The following MACROD2 variants were observed in gnomAD, a reference collection of about 807,000 sequenced individuals.
MACROD2 encodes the protein mono-ADP ribosylhydrolase 2, also known as ADP-ribose glycohydrolase MACROD2.
Under a neutral mutation model 70.4 loss-of-function variants are expected in MACROD2, and 36 were observed. The ratio of observed to expected loss-of-function variants is 0.51; its 90% CI spans 0.39 to 0.68. The LOEUF (loss-of-function observed/expected upper bound fraction) is 0.68. Ranked by LOEUF, MACROD2 falls within the 30% of genes least tolerant of loss-of-function variation. The pLI is 0.00. For synonymous variants in MACROD2, 172 were observed against 178.8 expected (o/e 0.96, Z 0.30); for missense variants, 496 against 538.4 (o/e 0.92, Z 0.78).
chr20:14,432,867 T>C (rs1056882874), intron 3 of MACROD2, among the ~76,000 whole-genome samples: 5 of 152,160 alleles, frequency 3.3e-5, no homozygotes, highest in Non-Finnish European at 5.9e-5. Flanking sequence ...ATTTTACTTA[T>C]TGTTAATTTG....
chr20:15,612,944 A>T (rs2048989413), intron 8 of MACROD2, among the ~76,000 whole-genome samples: 1 of 152,236 alleles, frequency 6.6e-6, no homozygotes, highest in African/African-American at 2.4e-5. Context: ...GTGGAAGGAC[A>T]GCATGATCAC....
In MACROD2 at chr20:14,122,918, A is replaced by T. The variant is rs77874671; in HGVS notation, c.271+37190A>T. On this transcript the variant is annotated intron_variant, in intron 3 of 17. Transcript: ENST00000684519. ...CCAGTATGTGAGAAATACATCCGTTATACAGGATTAGAGACAGTGGCATCG... is the reference window on the plus strand; with the variant it reads ...CCAGTATGTGAGAAATACATCCGTTTTACAGGATTAGAGACAGTGGCATCG... Among the ~76,000 whole-genome samples the T allele has an allele frequency of 8.5e-5, 13 of 152,284 alleles. No homozygotes were observed. In the East Asian group the frequency reaches 2.5e-3, roughly 29 times the overall value.
chr20:15,720,414 T>A (rs2050771127), intron 8 of MACROD2, among the ~76,000 whole-genome samples: 1 of 152,190 alleles, frequency 6.6e-6, no homozygotes, highest in African/African-American at 2.4e-5. Context: ...ATTTCATTTT[T>A]AAAAATTTTA....
chr20:15,772,099 A>ATATAT lies in MACROD2; in HGVS notation c.646-90646_646-90645insTATAT, dbSNP rs1433838867. Among the ~76,000 whole-genome samples the ATATAT allele has an allele frequency of 8.5e-4, 78 of 91,234 alleles. 1 individual carries two copies. Among genetic ancestry groups the ATATAT allele is most frequent in the South Asian group, 2.2e-3 (5 of 2,270 alleles). 59.9% of individuals were successfully genotyped at this position (91,234 alleles called of 152,430 possible). ...GACTCGGTCTCAAAAAAAAAAAAAAAAAATATATATATATATATATATATA... is the reference window on the plus strand; with the variant it reads ...GACTCGGTCTCAAAAAAAAAAAAAAATATATAAATATATATATATATATATATATA... On this transcript the variant is annotated intron_variant, in intron 8 of 17. Coordinates refer to ENST00000684519, the MANE Select transcript of MACROD2 (RefSeq NM_001351661.2).
intron 6 of MACROD2, among the ~76,000 whole-genome samples, chr20:15,248,621 C>T (rs919582421): frequency 2.6e-5 from 4 of 152,188 alleles, no homozygotes; most frequent in South Asian, 2.1e-4. Context: ...GAATATCCAA[C>T]TACCTGGTGG....
Position 16,051,245 on chromosome 20 carries a change from T to C in MACROD2, c.*1369T>C, listed in dbSNP as rs1223732178. 6.6e-6 allele frequency: 1 copy of C among 152,248 alleles called. No homozygotes were observed. Among genetic ancestry groups the C allele is most frequent in the Non-Finnish European group, 1.5e-5 (1 of 68,044 alleles). The allele number at this position is 152,248 out of a possible 1,614,324, so 9.4% of individuals were successfully genotyped here. ...GGGCTTTAGAACTAAAACTTACTTA[T>C]ATTGTTTTTCCTTAACAGAGGGAGA... On this transcript the variant is annotated 3_prime_UTR_variant, in exon 18 of 18. Transcript: ENST00000684519.
At chr20:15,818,832 A>G (rs986574422) in intron 8 of MACROD2, among the ~76,000 whole-genome samples, 1 of 152,152 alleles carries the variant, frequency 6.6e-6, no homozygotes, top group East Asian at 1.9e-4. Flanking sequence ...AATGATAGCA[A>G]TTGTTAACTT....
At chr20:15,112,316 C>T (rs991580218) in intron 5 of MACROD2, among the ~76,000 whole-genome samples, 38 of 152,242 alleles carry the variant, frequency 2.5e-4, no homozygotes, top group African/African-American at 8.9e-4. Context: ...CTGGATAGAC[C>T]TATTAGCCTT....
At chr20:14,170,706 TG>T (rs1470571652) in intron 3 of MACROD2, among the ~76,000 whole-genome samples, 3 of 152,196 alleles carry the variant, frequency 2.0e-5, no homozygotes, top group Non-Finnish European at 4.4e-5. Flanking sequence ...CACTTAATCA[TG>T]GTGGATTATC....
At chr20:15,842,248 A>G (rs974896132) in intron 8 of MACROD2, among the ~76,000 whole-genome samples, 39 of 152,130 alleles carry the variant, frequency 2.6e-4, no homozygotes, top group Admixed American at 2.6e-3. Context: ...CTACAGGTGC[A>G]TGCCACGTCT....
intron 15 of MACROD2, among the ~76,000 whole-genome samples, chr20:16,003,070 C>A (rs1226923062): frequency 1.7e-5 from 2 of 114,788 alleles, no homozygotes; most frequent in East Asian, 4.8e-4. Context: ...AATAGAAAAC[C>A]CACCCACCCA....
intron 5 of MACROD2, among the ~76,000 whole-genome samples, chr20:14,766,394 T>C (rs1375573783): frequency 6.6e-6 from 1 of 152,112 alleles, no homozygotes; most frequent in African/African-American, 2.4e-5. Flanking sequence ...CCAGTGATAG[T>C]GCTGGAAGTG....
intron 3 of MACROD2, chr20:14,325,956 T>G (rs1417572444): frequency 6.2e-7 from 1 of 1,613,806 alleles, no homozygotes; most frequent in African/African-American, 1.3e-5. Context: ...GTTCTTTCTC[T>G]TGCTCTCGAT....
At chr20:14,743,075 T>G (rs569284540) in intron 5 of MACROD2, among the ~76,000 whole-genome samples, 9 of 152,304 alleles carry the variant, frequency 5.9e-5, no homozygotes, top group Admixed American at 2.0e-4. Context: ...CTATAAACTT[T>G]ATTTTAAAAG....
intron 7 of MACROD2, among the ~76,000 whole-genome samples, chr20:15,464,152 A>G (rs182007147): frequency 6.1e-4 from 93 of 152,264 alleles, no homozygotes; most frequent in African/African-American, 2.1e-3. Flanking sequence ...AAGCTCAAGC[A>G]ATCCGCATGC....
intron 5 of MACROD2, chr20:14,893,103 C>A (rs954307786): frequency 1.3e-5 from 2 of 152,128 alleles, no homozygotes; most frequent in African/African-American, 4.8e-5. Flanking sequence ...AAGGTTTAGC[C>A]ATATTATAGA....
At chr20:15,195,839 A>G (rs1355748837) in intron 5 of MACROD2, among the ~76,000 whole-genome samples, 2 of 152,216 alleles carry the variant, frequency 1.3e-5, no homozygotes, top group South Asian at 2.1e-4. Flanking sequence ...CCAAATGGCC[A>G]TCAATGATAG....
At chr20:14,207,377 G>A (rs6110201) in intron 3 of MACROD2, among the ~76,000 whole-genome samples, 1 of 152,190 alleles carries the variant, frequency 6.6e-6, no homozygotes, top group Non-Finnish European at 1.5e-5. Context: ...TGGGATTACA[G>A]GCGTGAGCCA....
chr20:15,557,304 G>A (rs1281949236), intron 8 of MACROD2, among the ~76,000 whole-genome samples: 1 of 152,112 alleles, frequency 6.6e-6, no homozygotes, highest in East Asian at 1.9e-4. Flanking sequence ...CAAGATACGG[G>A]TTAGGACCTC....
Sources: gnomAD v4.1 joint callset for allele counts (sites outside exome capture counted in the v4.1 genomes callset) on GRCh38, gnomAD v4.1.1 for gene constraint, MANE v1.5 for transcripts, NCBI Gene and HGNC (gene_info 2026-07-23, HGNC 2026-07-21) for gene names.